Variants in FBXL17 observed in about 807,000 individuals in gnomAD.
The protein encoded by FBXL17 is F-box/LRR-repeat protein 17.
Under a neutral mutation model 66.2 loss-of-function variants are expected in FBXL17, and 22 were observed. The ratio of observed to expected loss-of-function variants is 0.33; its 90% CI spans 0.24 to 0.47. FBXL17 has a LOEUF of 0.47. FBXL17 is among the 20% of genes least tolerant of loss of function. The probability of loss-of-function intolerance (pLI) is 1.00; values close to 1 mark genes in which losing one functional copy is unlikely to be tolerated. For missense variants in FBXL17, 878 were observed against 948.2 expected (o/e 0.93, Z 0.97); for synonymous variants, 474 against 400.5 (o/e 1.18, Z -2.19).
At chr5:108,008,592 G>A (rs1329711998) in intron 7 of FBXL17, among the ~76,000 whole-genome samples, 1 of 152,106 alleles carries the variant, frequency 6.6e-6, no homozygotes, top group African/African-American at 2.4e-5. Flanking sequence ...ATAAATGTGT[G>A]TAATAATATG....
At chr5:108,011,177 T>C (rs1367528322) in intron 7 of FBXL17, among the ~76,000 whole-genome samples, 2 of 152,246 alleles carry the variant, frequency 1.3e-5, no homozygotes, top group African/African-American at 2.4e-5. Context: ...AAATAAATCA[T>C]GTGTTATGTG....
At chr5:107,946,631 A>G (rs1751308320) in intron 7 of FBXL17, among the ~76,000 whole-genome samples, 1 of 151,930 alleles carries the variant, frequency 6.6e-6, no homozygotes, top group East Asian at 1.9e-4. Flanking sequence ...TTGAATCACA[A>G]TCTTGTATCT....
intron 1 of FBXL17, 22 bp from the exon 2 acceptor site, chr5:108,367,975 A>T: frequency 6.5e-7 from 1 of 1,545,610 alleles, no homozygotes; most frequent in Non-Finnish European, 8.7e-7. Flanking sequence ...AAACGGTACC[A>T]TATAATATGT....
intron 6 of FBXL17, among the ~76,000 whole-genome samples, chr5:108,092,416 C>T (rs570192611): frequency 6.6e-6 from 1 of 152,146 alleles, no homozygotes; most frequent in South Asian, 2.1e-4. Context: ...TGATTCTCAG[C>T]CTCCCGAGTA....
At chr5:108,073,864 G>A (rs74990548) in intron 6 of FBXL17, among the ~76,000 whole-genome samples, 9 of 152,192 alleles carry the variant, frequency 5.9e-5, no homozygotes, top group African/African-American at 7.2e-5. Context: ...TGGCCTCACC[G>A]GAAGCCAAGC....
At chr5:108,125,208 AC>A (rs1750650793) in intron 6 of FBXL17, among the ~76,000 whole-genome samples, 1 of 152,068 alleles carries the variant, frequency 6.6e-6, no homozygotes, top group Admixed American at 6.6e-5. Flanking sequence ...GAGCAATCTT[AC>A]CCCATTTATC....
At chr5:108,102,890 A>AT (rs1414834080) in intron 6 of FBXL17, among the ~76,000 whole-genome samples, 1 of 152,110 alleles carries the variant, frequency 6.6e-6, no homozygotes, top group East Asian at 1.9e-4. Context: ...TTCTCATGGC[A>AT]TTTTTTTCTG....
At chr5:107,948,484 G>A (rs1002539039) in intron 7 of FBXL17, among the ~76,000 whole-genome samples, 25 of 152,056 alleles carry the variant, frequency 1.6e-4, no homozygotes, top group Admixed American at 1.5e-3. Flanking sequence ...TTCTTCTCCA[G>A]GGCCTAACCA....
At chr5:108,126,651 C>CTCTCTCTCTCTCTCTA (rs1554067324) in intron 6 of FBXL17, among the ~76,000 whole-genome samples, 1 of 108,042 alleles carries the variant, frequency 9.3e-6, no homozygotes, top group Non-Finnish European at 2.0e-5. Flanking sequence ...CTCTCTCTCT[C>CTCTCTCTCTCTCTCTA]TATATATATA....
intron 4 of FBXL17, among the ~76,000 whole-genome samples, chr5:108,274,232 G>A (rs1382583365): frequency 6.6e-6 from 1 of 152,180 alleles, no homozygotes; most frequent in African/African-American, 2.4e-5. Context: ...TGCTACGGGA[G>A]ACTGGAGTCT....
intron 6 of FBXL17, among the ~76,000 whole-genome samples, chr5:108,183,279 T>C (rs934701206): frequency 3.3e-5 from 5 of 152,100 alleles, no homozygotes; most frequent in African/African-American, 9.7e-5. Flanking sequence ...GACCTTGTGA[T>C]CTGCCCGCCT....
chr5:108,273,030 C>T (rs1259842601), intron 4 of FBXL17, among the ~76,000 whole-genome samples: 10 of 152,056 alleles, frequency 6.6e-5, no homozygotes, highest in Non-Finnish European at 7.4e-5. Context: ...CATCACATGT[C>T]GGTAGGTTCC....
At chr5:108,290,951 A>G (rs1391657609) in intron 4 of FBXL17, among the ~76,000 whole-genome samples, 1 of 152,214 alleles carries the variant, frequency 6.6e-6, no homozygotes, top group Non-Finnish European at 1.5e-5. Flanking sequence ...TATTTCCATG[A>G]TATACAGAAT....
At chr5:108,055,745 T>C (rs979957970) in intron 6 of FBXL17, among the ~76,000 whole-genome samples, 3 of 151,928 alleles carry the variant, frequency 2.0e-5, no homozygotes, top group African/African-American at 7.2e-5. Flanking sequence ...CATTCAGCCT[T>C]AAAAATTATC....
intron 7 of FBXL17, among the ~76,000 whole-genome samples, chr5:107,953,402 C>CAAAAA (rs1166788701): frequency 7.9e-5 from 4 of 50,608 alleles, no homozygotes; most frequent in African/African-American, 2.3e-4. Context: ...GACTCTCTCT[C>CAAAAA]AAAAAAAAAA....
chr5:108,275,879 C>G (rs1011048851), intron 4 of FBXL17, among the ~76,000 whole-genome samples: 2 of 152,242 alleles, frequency 1.3e-5, no homozygotes, highest in Middle Eastern at 6.8e-3. Flanking sequence ...TAATTCCAAC[C>G]CATTTACTAT....
chr5:108,379,843 A>C (rs1749716600), intron 1 of FBXL17, among the ~76,000 whole-genome samples: 1 of 152,238 alleles, frequency 6.6e-6, no homozygotes, highest in Non-Finnish European at 1.5e-5. Flanking sequence ...AAAATGACAC[A>C]AACTTCATGC....
intron 8 of FBXL17, among the ~76,000 whole-genome samples, chr5:107,862,530 G>T (rs1368892018): frequency 6.6e-6 from 1 of 152,098 alleles, no homozygotes; most frequent in Non-Finnish European, 1.5e-5. Flanking sequence ...GCTGTGAAGG[G>T]ATTAATTTGT....
At chr5:108,376,358 G>A (rs2416189) in intron 1 of FBXL17, among the ~76,000 whole-genome samples, 127,597 of 152,150 alleles carry the variant, frequency 0.84, 53,640 homozygotes, top group African/African-American at 0.89. Context: ...AGATGTCATG[G>A]TCTTATATAG....
Sources: gnomAD v4.1 joint callset for allele counts (sites outside exome capture counted in the v4.1 genomes callset) on GRCh38, gnomAD v4.1.1 for gene constraint, MANE v1.5 for transcripts, NCBI Gene and HGNC (gene_info 2026-07-23, HGNC 2026-07-21) for gene names.